The following TRAPPC9 variants were observed in gnomAD, a reference collection of about 807,000 sequenced individuals.
The protein encoded by TRAPPC9 is trafficking protein particle complex subunit 9, also known as IKK2 binding protein.
In TRAPPC9, 83 loss-of-function variants were observed where a neutral mutation model predicts 124.0. The observed-to-expected ratio is 0.67, with a 90% confidence interval of 0.56 to 0.80. The LOEUF (loss-of-function observed/expected upper bound fraction) is 0.80. Ranked by LOEUF, TRAPPC9 falls within the 30% of genes least tolerant of loss-of-function variation. The pLI, the probability that TRAPPC9 is intolerant of heterozygous loss-of-function variation, is 0.00. For missense variants in TRAPPC9, 1,302 were observed against 1,508.3 expected, an observed-to-expected ratio of 0.86 and a Z score of 2.27; for synonymous variants, 638 against 617.5, an observed-to-expected ratio of 1.03 and a Z score of -0.49.
intron 15 of TRAPPC9, among the ~76,000 whole-genome samples, chr8:140,270,226 T>C (rs2064834539): frequency 6.6e-6 from 1 of 152,034 alleles, no homozygotes; most frequent in Non-Finnish European, 1.5e-5. Flanking sequence ...GGGCGGTGTC[T>C]AAGGTAGAGC....
At chr8:140,186,375 G>A (rs1029708544) in intron 17 of TRAPPC9, among the ~76,000 whole-genome samples, 70 of 152,210 alleles carry the variant, frequency 4.6e-4, no homozygotes, top group African/African-American at 1.5e-3. Context: ...CCTGAGGTCA[G>A]GAGTTTGAGA....
chr8:139,779,067 C>T (rs1023184741), intron 21 of TRAPPC9, among the ~76,000 whole-genome samples: 5 of 150,814 alleles, frequency 3.3e-5, no homozygotes, highest in African/African-American at 1.2e-4. Flanking sequence ...ATAAGTACTG[C>T]TCAAAACCAG....
rs142228267 is a variant in TRAPPC9, at chr8:139,915,624, A to G, written c.2811-5324T>C. On this transcript the variant is annotated intron_variant, in intron 19 of 22. Transcript: ENST00000438773. ...CCCGCTGTTCGTGTCTGACCAAGAC[A>G]AGAATCTGGGTCTGGGCCCACAGTC... Among the ~76,000 whole-genome samples, 356 of 152,344 alleles carry G rather than the reference A, an allele frequency of 2.3e-3. 1 individual carries two copies. The highest frequency in any genetic ancestry group is 8.1e-3 in the African/African-American group (337 of 41,586).
intron 15 of TRAPPC9, among the ~76,000 whole-genome samples, chr8:140,271,460 G>T (rs1315710266): frequency 6.6e-6 from 1 of 152,094 alleles, no homozygotes; most frequent in Non-Finnish European, 1.5e-5. Flanking sequence ...GTCACGCCAC[G>T]CGTCCAACAA....
chr8:140,264,466 A>G (rs1272284466), intron 15 of TRAPPC9, among the ~76,000 whole-genome samples: 1 of 152,038 alleles, frequency 6.6e-6, no homozygotes, highest in Non-Finnish European at 1.5e-5. Context: ...TAATGAAAGT[A>G]TACCTTTATT....
At chr8:139,901,232 G>A (rs1011185768) in intron 20 of TRAPPC9, among the ~76,000 whole-genome samples, 28 of 152,150 alleles carry the variant, frequency 1.8e-4, no homozygotes, top group African/African-American at 4.3e-4. Context: ...CATCCCACGC[G>A]CAAGCTCTGG....
chr8:140,105,962 C>T (rs559939150), intron 17 of TRAPPC9, among the ~76,000 whole-genome samples: 55 of 149,482 alleles, frequency 3.7e-4, no homozygotes, highest in Non-Finnish European at 6.7e-4. Context: ...AGGACGAGAA[C>T]GAGCAATCAA....
chr8:139,756,734 G>A (rs1284173284), intron 21 of TRAPPC9, among the ~76,000 whole-genome samples: 4 of 133,356 alleles, frequency 3.0e-5, no homozygotes, highest in East Asian at 2.5e-4. Context: ...GTCGCAGGAG[G>A]AGCCAGGGTT....
At position 140,454,936 on chromosome 8, in the gene TRAPPC9, TA is replaced by T. The variant is rs57108334; in HGVS notation, c.-11+2702del. The stretch of plus-strand genomic sequence containing the variant: ...GCCTGGGTGACAAAGTAAGACTCTT[TA>T]AAAAAAAAAAAAAAAAGACACCTGC... On this transcript the variant is annotated intron_variant, in intron 1 of 22. Transcript: ENST00000438773. 6.4e-3 allele frequency among the ~76,000 whole-genome samples: 817 copies of T among 127,560 alleles called. 1 individual carries two copies. Among genetic ancestry groups the T allele is most frequent in the African/African-American group, 0.015 (523 of 34,710 alleles). 83.7% of individuals were successfully genotyped at this position (127,560 alleles called of 152,430 possible). A position where few individuals can be genotyped will look rare whatever the true frequency, so the allele number is the denominator to read the frequency against.
chr8:140,156,085 T>C (rs1409436572), intron 17 of TRAPPC9, among the ~76,000 whole-genome samples: 1 of 152,142 alleles, frequency 6.6e-6, no homozygotes, highest in African/African-American at 2.4e-5. Flanking sequence ...GCTCACTCCT[T>C]GCTAAATGAA....
intron 17 of TRAPPC9, among the ~76,000 whole-genome samples, chr8:140,165,875 CCT>C (rs1238781967): frequency 3.3e-5 from 5 of 152,142 alleles, no homozygotes; most frequent in African/African-American, 9.7e-5. Context: ...TGTACCCACC[CCT>C]GATATGACCC....
At chr8:140,443,912 T>C (rs973309009) in intron 2 of TRAPPC9, among the ~76,000 whole-genome samples, 3 of 151,454 alleles carry the variant, frequency 2.0e-5, no homozygotes, top group African/African-American at 7.3e-5. Context: ...GGCGGGCTCC[T>C]GTAATCCCAG....
intron 16 of TRAPPC9, among the ~76,000 whole-genome samples, chr8:140,223,742 T>TAA (rs56716646): frequency 6.9e-6 from 1 of 144,772 alleles, no homozygotes. Context: ...GTTCATAATT[T>TAA]AAAAAAAAAA....
chr8:139,851,294 C>G (rs1827432294), intron 21 of TRAPPC9, among the ~76,000 whole-genome samples: 1 of 152,176 alleles, frequency 6.6e-6, no homozygotes, highest in Non-Finnish European at 1.5e-5. Context: ...CAATGTCCTT[C>G]CAGAACACAC....
Position 139,972,905 on chromosome 8 carries a change from G to A in TRAPPC9, c.2810+15821C>T, listed in dbSNP as rs76583577. Among the ~76,000 whole-genome samples the A allele has an allele frequency of 6.4e-3, 974 of 152,246 alleles. 4 individuals carry two copies. Among genetic ancestry groups the A allele is most frequent in the Non-Finnish European group, 0.01 (704 of 68,018 alleles). ...ACAGCTGATACTCCGTCCCAGACCC[G>A]GCCTCAGGCTCCCCTTGTCCAGGGG... is the stretch of plus-strand genomic sequence containing the variant. On this transcript the variant is annotated intron_variant, in intron 19 of 22. Transcript: ENST00000438773.
intron 21 of TRAPPC9, among the ~76,000 whole-genome samples, chr8:139,865,971 A>C (rs1828505573): frequency 6.6e-6 from 1 of 152,016 alleles, no homozygotes; most frequent in Non-Finnish European, 1.5e-5. Context: ...TAAGAAATAC[A>C]TCGGTTCGGT....
intron 17 of TRAPPC9, among the ~76,000 whole-genome samples, chr8:140,115,477 C>A (rs1041455498): frequency 6.6e-6 from 1 of 152,084 alleles, no homozygotes; most frequent in African/African-American, 2.4e-5. Flanking sequence ...CCGTCTTGAC[C>A]AGGCTGGTCT....
chr8:140,201,829 T>C (rs1256785018), intron 17 of TRAPPC9, among the ~76,000 whole-genome samples: 1 of 152,080 alleles, frequency 6.6e-6, no homozygotes, highest in East Asian at 1.9e-4. Context: ...GGGGACAGGA[T>C]GATGACCAAG....
At chr8:139,919,371 C>T (rs1160446974) in intron 19 of TRAPPC9, among the ~76,000 whole-genome samples, 1 of 152,158 alleles carries the variant, frequency 6.6e-6, no homozygotes, top group Non-Finnish European at 1.5e-5. Flanking sequence ...ACAATTATAG[C>T]TATTATAATG....
Sources: allele counts gnomAD v4.1 joint callset (sites outside exome capture counted in the v4.1 genomes callset), GRCh38; gene constraint gnomAD v4.1.1; transcripts MANE v1.5; gene names NCBI Gene and HGNC (gene_info 2026-07-23, HGNC 2026-07-21).